The following RNF157 variants were observed in gnomAD, a reference collection of about 807,000 sequenced individuals.
The protein encoded by RNF157 is E3 ubiquitin ligase RNF157.
A neutral mutation model predicts 88.3 loss-of-function variants in RNF157; 55 were observed. The observed-to-expected ratio is 0.62, with a 90% CI of 0.50 to 0.78. RNF157 has a LOEUF of 0.78. Ranked by LOEUF, RNF157 falls within the 30% of genes least tolerant of loss-of-function variation. The pLI is 0.00. For synonymous variants in RNF157, 334 were observed against 341.2 expected (o/e 0.98, Z 0.23); for missense variants, 788 against 860.8 (o/e 0.92, Z 1.06).
chr17:76,171,177 C>A (rs2069007865), intron 3 of RNF157, among the ~76,000 whole-genome samples: 1 of 150,958 alleles, frequency 6.6e-6, no homozygotes, highest in Non-Finnish European at 1.5e-5. Flanking sequence ...CAGGCATGAG[C>A]CACTGCACCG....
intron 13 of RNF157, among the ~76,000 whole-genome samples, chr17:76,156,783 A>T (rs1433688165): frequency 6.6e-6 from 1 of 152,042 alleles, no homozygotes. Flanking sequence ...CTTGCTCCCC[A>T]GCCTGCTGCT....
intron 6 of RNF157, among the ~76,000 whole-genome samples, 155 bp from the exon 7 acceptor site, chr17:76,165,700 C>T (rs1215966808): frequency 2.0e-5 from 3 of 151,200 alleles, no homozygotes; most frequent in Non-Finnish European, 1.5e-5. Context: ...TTTTTTGAGA[C>T]AGAGTCTGGC....
rs1222437453 is a variant in RNF157, at chr17:76,161,441, C to A, written c.1065+94G>T. The A allele has an allele frequency of 2.1e-6, 2 of 964,972 alleles. No individual in the cohort carries two copies. The highest frequency in any genetic ancestry group is 3.3e-6 in the Non-Finnish European group (2 of 599,390). 59.8% of individuals were successfully genotyped at this position (964,972 alleles called of 1,614,324 possible). On this transcript the variant is annotated intron_variant, in intron 11 of 18. Transcript: ENST00000269391. This position sits in a 1 kb window ranked among gnomAD's most constrained non-coding sequence, Gnocchi z 4.6. ...TACTGCAGCATGCCCTGGTCTAATT[C>A]CTTGCTGCAATGCCACGTAGAGAAG...
At chr17:76,167,911 C>T in intron 3 of RNF157, 114 bp from the exon 4 acceptor site, 1 of 1,002,864 alleles carries the variant, frequency 1.0e-6, no homozygotes, top group Non-Finnish European at 1.5e-6. Flanking sequence ...AAGCATAGGT[C>T]TACCTCTTCA....
At position 76,157,070 on chromosome 17, in the gene RNF157, G is replaced by A. The variant is rs909271590; in HGVS notation, c.1414-749C>T. On this transcript the variant is annotated intron_variant, in intron 13 of 18. Transcript: ENST00000269391. This position sits in a 1 kb window ranked among gnomAD's most constrained non-coding sequence, Gnocchi z 5.6. ...CAACCCCTGCCTCCTGGGTTCAAGC[G>A]ATTCTCCTGCCTCAGCCTCCCGAGT... Among the ~76,000 whole-genome samples the A allele has an allele frequency of 1.3e-5, 2 of 151,842 alleles. No individual in the cohort carries two copies. The highest frequency in any genetic ancestry group is 1.3e-4 in the Admixed American group (2 of 15,240).
At chr17:76,191,429 C>A (rs1292639160) in intron 2 of RNF157, among the ~76,000 whole-genome samples, 1 of 151,950 alleles carries the variant, frequency 6.6e-6, no homozygotes, top group South Asian at 2.1e-4. Context: ...TGGCCAAAAC[C>A]CTGTCTCTAC....
chr17:76,189,729 C>T (rs1441248836), intron 2 of RNF157, among the ~76,000 whole-genome samples: 1 of 152,198 alleles, frequency 6.6e-6, no homozygotes, highest in Non-Finnish European at 1.5e-5. Flanking sequence ...GTTGGGTTCT[C>T]AGATCCTGGA....
At chr17:76,150,506 A>T (rs1018938504) in intron 18 of RNF157, among the ~76,000 whole-genome samples, 1 of 152,120 alleles carries the variant, frequency 6.6e-6, no homozygotes, top group Non-Finnish European at 1.5e-5. Flanking sequence ...TCTGCCAAAA[A>T]AATAGGGGTG....
chr17:76,192,841 CTTTT>C (rs34816147), intron 2 of RNF157, among the ~76,000 whole-genome samples: 2 of 134,276 alleles, frequency 1.5e-5, no homozygotes. Flanking sequence ...ACTTTCTTTC[CTTTT>C]TTTTTTTTTT....
chr17:76,216,635 G>A (rs183330575), intron 1 of RNF157, among the ~76,000 whole-genome samples: 1 of 152,008 alleles, frequency 6.6e-6, no homozygotes, highest in African/African-American at 2.4e-5. Flanking sequence ...AGTCAGTAGA[G>A]TATTATGAAG....
intron 1 of RNF157, among the ~76,000 whole-genome samples, chr17:76,238,255 G>T (rs1372063990): frequency 3.3e-5 from 5 of 152,110 alleles, no homozygotes; most frequent in African/African-American, 4.8e-5. Flanking sequence ...GCTCACATAA[G>T]GTTTCAAATA....
At chr17:76,185,037 C>T (rs918736829) in intron 2 of RNF157, among the ~76,000 whole-genome samples, 6 of 152,212 alleles carry the variant, frequency 3.9e-5, no homozygotes, top group African/African-American at 1.4e-4. Flanking sequence ...AAGAACACAT[C>T]ATAAAATGGC....
intron 1 of RNF157, 80 bp from the exon 2 acceptor site, chr17:76,212,562 T>A (rs915021789): frequency 1.0e-5 from 10 of 962,332 alleles, no homozygotes; most frequent in African/African-American, 1.6e-5. Flanking sequence ...AGCTGATTTT[T>A]AAAATGTTAA....
At chr17:76,171,879 C>T (rs149446487) in intron 3 of RNF157, among the ~76,000 whole-genome samples, 1 of 152,318 alleles carries the variant, frequency 6.6e-6, no homozygotes, top group African/African-American at 2.4e-5. Flanking sequence ...CAGGCTGCCA[C>T]GGCAGAGGCT....
intron 5 of RNF157, 73 bp downstream of exon 5, chr17:76,166,936 G>A (rs1244503822): frequency 3.0e-6 from 3 of 988,192 alleles, no homozygotes; most frequent in Non-Finnish European, 4.5e-6. Context: ...CCCCTTTGCT[G>A]TCAGACCGAG....
At chr17:76,155,387 A>T (rs2068747200) in intron 15 of RNF157, 70 bp from the exon 16 acceptor site, 9 of 1,534,732 alleles carry the variant, frequency 5.9e-6, no homozygotes, top group Non-Finnish European at 7.2e-6. Context: ...AACCTTCTTC[A>T]GAACAAAATT....
chr17:76,228,570 C>T (rs898362419), intron 1 of RNF157, among the ~76,000 whole-genome samples: 4 of 152,170 alleles, frequency 2.6e-5, no homozygotes, highest in East Asian at 1.9e-4. Flanking sequence ...CAAGCATATA[C>T]TGGTCTCCCC....
chr17:76,216,585 T>C (rs577522669), intron 1 of RNF157, among the ~76,000 whole-genome samples: 2 of 151,178 alleles, frequency 1.3e-5, no homozygotes, highest in African/African-American at 4.9e-5. Flanking sequence ...TGTCTCTGTA[T>C]ATTTAAAAAT....
rs377581288 is a variant in RNF157, at chr17:76,182,760, CAT to C, written c.208-8972_208-8971del. On this transcript the variant is annotated intron_variant, in intron 2 of 18. Coordinates refer to ENST00000269391, the MANE Select transcript of RNF157 (RefSeq NM_052916.3). ...TTGCTATTAGATTCAGGCCTCGTCT[CAT>C]ATATATATATATATATATATATATA... 6.7e-3 allele frequency among the ~76,000 whole-genome samples: 626 copies of C among 93,230 alleles called. 7 individuals carry two copies. Among genetic ancestry groups the C allele is most frequent in the Non-Finnish European group, 7.2e-3 (371 of 51,726 alleles). 61.2% of individuals were successfully genotyped at this position (93,230 alleles called of 152,430 possible). A position where few individuals can be genotyped will look rare whatever the true frequency, so the allele number is the denominator to read the frequency against.
Sources: allele counts gnomAD v4.1 joint callset (sites outside exome capture counted in the v4.1 genomes callset), GRCh38; gene constraint gnomAD v4.1.1; non-coding constraint Gnocchi (gnomAD v3.1); transcripts MANE v1.5; gene names NCBI Gene and HGNC (gene_info 2026-07-23, HGNC 2026-07-21).